GNAL: variants seen among roughly 807,000 people sequenced by gnomAD.
The protein encoded by GNAL is G protein subunit alpha L, also known as guanine nucleotide-binding protein G(olf) subunit alpha.
In GNAL, 18 loss-of-function variants were observed where a neutral mutation model predicts 55.1. The ratio of observed to expected loss-of-function variants is 0.33; its 90% confidence interval spans 0.23 to 0.48. The LOEUF is 0.48. Ranked by LOEUF, GNAL falls within the 20% of genes least tolerant of loss-of-function variation. The pLI is 0.99. For synonymous variants in GNAL, 253 were observed against 237.0 expected (o/e 1.07, Z -0.62); for missense variants, 412 against 614.1 (o/e 0.67, Z 3.48).
At chr18:11,742,539 G>C (rs954829721) in intron 1 of GNAL, among the ~76,000 whole-genome samples, 3 of 152,208 alleles carry the variant, frequency 2.0e-5, no homozygotes, top group Non-Finnish European at 4.4e-5. Context: ...CAGCGGAGGG[G>C]CTGCCTCTTA....
chr18:11,796,596 C>T (rs8098035), intron 4 of GNAL, among the ~76,000 whole-genome samples: 1 of 129,154 alleles, frequency 7.7e-6, no homozygotes, highest in African/African-American at 2.9e-5. Context: ...AAAAAAAAAA[C>T]AAAACACGCA....
chr18:11,697,276 G>A (rs1288016473), intron 1 of GNAL, among the ~76,000 whole-genome samples: 2 of 152,156 alleles, frequency 1.3e-5, no homozygotes, highest in African/African-American at 2.4e-5. Context: ...GGTGGTGCAC[G>A]CCTGTAATCC....
At chr18:11,722,437 T>C (rs2032115837) in intron 1 of GNAL, among the ~76,000 whole-genome samples, 1 of 152,240 alleles carries the variant, frequency 6.6e-6, no homozygotes, top group South Asian at 2.1e-4. Flanking sequence ...AGCATAGATA[T>C]AGCATCATTG....
At chr18:11,691,656 T>C (rs1264929820) in intron 1 of GNAL, among the ~76,000 whole-genome samples, 2 of 152,006 alleles carry the variant, frequency 1.3e-5, no homozygotes, top group African/African-American at 4.8e-5. Context: ...AAGGAAGGGA[T>C]CCAGTTTCAG....
chr18:11,772,830 G>A (rs2143291689), intron 4 of GNAL, among the ~76,000 whole-genome samples: 1 of 152,258 alleles, frequency 6.6e-6, no homozygotes, highest in Non-Finnish European at 1.5e-5. Context: ...GGCCAATTTT[G>A]AGCTCTGATA....
chr18:11,807,181 A>G (rs559150450), intron 4 of GNAL, among the ~76,000 whole-genome samples: 264 of 152,186 alleles, frequency 1.7e-3, no homozygotes, highest in Admixed American at 3.9e-3. Flanking sequence ...GAAAGAAAGA[A>G]AAGAACAACC....
chr18:11,755,091 C>T (rs1372605531), intron 4 of GNAL, among the ~76,000 whole-genome samples: 5 of 151,764 alleles, frequency 3.3e-5, no homozygotes. Context: ...GGTTTGGAGA[C>T]ATTTTTCATT....
chr18:11,753,725 G>A, intron 3 of GNAL, 43 bp downstream of exon 3: 1 of 1,460,942 alleles, frequency 6.8e-7, no homozygotes, highest in Non-Finnish European at 9.6e-7. Context: ...AAGGTCAAGT[G>A]CTCTTCATTC....
At position 11,752,393 on chromosome 18, in the gene GNAL, G is replaced by T; in HGVS notation, c.377-460G>T. ...TCTCCAACTCTCTATTGCTTTTTGC[G>T]CACATTCCTAACTTCCTGACGTCCA... On this transcript the variant is annotated intron_variant, in intron 1 of 11. Coordinates refer to ENST00000334049, the MANE Select transcript of GNAL (RefSeq NM_182978.4). The surrounding 1 kb of genome is among the most constrained non-coding windows in gnomAD (Gnocchi z 4.5). 3.2e-6 allele frequency: 5 copies of T among 1,574,412 alleles called. No individual in the cohort carries two copies. Among genetic ancestry groups the T allele is most frequent in the Non-Finnish European group, 4.3e-6 (5 of 1,165,080 alleles).
At chr18:11,810,805 A>G (rs2034793408) in intron 4 of GNAL, 1 of 152,256 alleles carries the variant, frequency 6.6e-6, no homozygotes, top group Admixed American at 6.6e-5. Context: ...CTATAAGTGC[A>G]TTGGCCTGGA....
Position 11,868,792 on chromosome 18 carries a change from C to T in GNAL, c.1031+129C>T. 2 of 696,712 alleles carry T rather than the reference C, an allele frequency of 2.9e-6. No homozygotes were observed. The highest frequency in any genetic ancestry group is 4.7e-6 in the Non-Finnish European group (2 of 427,168). 43.2% of individuals were successfully genotyped at this position (696,712 alleles called of 1,614,324 possible). On this transcript the variant is annotated intron_variant, in intron 9 of 11. Coordinates refer to ENST00000334049, the MANE Select transcript of GNAL (RefSeq NM_182978.4). The surrounding 1 kb of genome is among the most constrained non-coding windows in gnomAD (Gnocchi z 4.0). Reference sequence around the variant, plus strand: ...CTGGGAGGCCGAGGCAGGTGTGTCACTTGAGCTCAGCAGTTGGAGACTAGC... The same window carrying T: ...CTGGGAGGCCGAGGCAGGTGTGTCATTTGAGCTCAGCAGTTGGAGACTAGC...
chr18:11,689,659 CGCCCCGGCCCCG>C lies in GNAL; in HGVS notation c.101_112del (p.Pro34_Ala37del). 2 of 1,368,852 alleles carry C rather than the reference CGCCCCGGCCCCG, an allele frequency of 1.5e-6. No individual in the cohort carries two copies. Among genetic ancestry groups the C allele is most frequent in the Non-Finnish European group, 9.5e-7 (1 of 1,056,082 alleles). The allele number at this position is 1,368,852 out of a possible 1,614,324, so 84.8% of individuals were successfully genotyped here. A position where few individuals can be genotyped will look rare whatever the true frequency, so the allele number is the denominator to read the frequency against. On this transcript the variant is annotated inframe_deletion, in exon 1 of 12. Transcript: ENST00000334049. ...AGCCGCCGGTGGAGGACGCGCAGCC[CGCCCCGGCCCCG>C]GCCCTGGCCCCAGTCCGGGCGGCCG...
intron 1 of GNAL, among the ~76,000 whole-genome samples, chr18:11,710,979 C>T (rs1473440545): frequency 6.6e-6 from 1 of 151,996 alleles, no homozygotes; most frequent in East Asian, 1.9e-4. Context: ...GGGTTCACAC[C>T]ATTCTCCTGC....
At chr18:11,747,067 G>A (rs1395424036) in intron 1 of GNAL, 1 of 442,264 alleles carries the variant, frequency 2.3e-6, no homozygotes, top group African/African-American at 2.0e-5. Flanking sequence ...AGGCCGAGGA[G>A]AGAGAGGCCT....
At chr18:11,740,616 G>A (rs1047311805) in intron 1 of GNAL, among the ~76,000 whole-genome samples, 9 of 152,146 alleles carry the variant, frequency 5.9e-5, no homozygotes, top group African/African-American at 1.9e-4. Context: ...CAGGCCTCTT[G>A]CTTCTCTTCA....
intron 5 of GNAL, chr18:11,851,437 A>G (rs904052975): frequency 6.9e-7 from 1 of 1,444,354 alleles, no homozygotes; most frequent in Non-Finnish European, 9.1e-7. Flanking sequence ...GGCGGCCGGG[A>G]GCGGACTTAC....
intron 1 of GNAL, chr18:11,746,977 T>G (rs918361208): frequency 1.9e-6 from 1 of 519,902 alleles, no homozygotes; most frequent in African/African-American, 1.9e-5. Context: ...CCGAGTAGAT[T>G]TGGAAGAACA....
chr18:11,834,738 T>A (rs897488398), intron 5 of GNAL, among the ~76,000 whole-genome samples: 1 of 152,164 alleles, frequency 6.6e-6, no homozygotes, highest in Non-Finnish European at 1.5e-5. Flanking sequence ...GAAAGAAATT[T>A]TGTTCCAAGT....
At chr18:11,748,253 A>G (rs1402421209) in intron 1 of GNAL, among the ~76,000 whole-genome samples, 1 of 152,180 alleles carries the variant, frequency 6.6e-6, no homozygotes, top group Non-Finnish European at 1.5e-5. Flanking sequence ...AGTGTTGGCA[A>G]TGTGTTGTGG....
Sources: gnomAD v4.1 joint callset for allele counts (sites outside exome capture counted in the v4.1 genomes callset) on GRCh38, gnomAD v4.1.1 for gene constraint, Gnocchi (gnomAD v3.1) non-coding constraint, MANE v1.5 for transcripts, NCBI Gene and HGNC (gene_info 2026-07-23, HGNC 2026-07-21) for gene names.